ADAP2: variants seen among roughly 807,000 people sequenced by gnomAD.
The protein encoded by ADAP2 is ArfGAP with dual PH domains 2.
In ADAP2, 42 loss-of-function variants were observed where a neutral mutation model predicts 54.9. The ratio of observed to expected loss-of-function variants is 0.77; its 90% CI spans 0.60 to 0.99. The LOEUF (loss-of-function observed/expected upper bound fraction) is 0.99, where lower values mean the gene tolerates loss of function less well. Ranked by LOEUF, ADAP2 falls within the 50% of genes least tolerant of loss-of-function variation. The pLI is 0.00. For synonymous variants in ADAP2, 177 were observed against 180.1 expected, an observed-to-expected ratio of 0.98 and a Z score of 0.14; for missense variants, 429 against 480.4, an observed-to-expected ratio of 0.89 and a Z score of 1.00.
In ADAP2 at chr17:30,956,376, G is replaced by C. The variant is rs1905072231; in HGVS notation, c.1018G>C (p.Val340Leu). 2 of 1,614,188 alleles carry C rather than the reference G, an allele frequency of 1.2e-6. No individual in the cohort carries two copies. Among genetic ancestry groups the C allele is most frequent in the Non-Finnish European group, 1.7e-6 (2 of 1,180,028 alleles). ...CATTGTCACCCCAGAGCGGAGATTT[G>C]TCCTCACTTGCCCCAGTGAGAAGGA... ...LTIVTPERRF[V>L]LTCPSEKEQQ... The change falls in exon 10 of 11, where the codon GTC becomes CTC. Residue 340 changes from valine (V) to leucine (L), a missense_variant. Physicochemically the swap from Val to Leu is conservative, Grantham distance 32 (BLOSUM62 1). Coordinates refer to ENST00000330889, the MANE Select transcript of ADAP2 (RefSeq NM_018404.3).
In ADAP2 at chr17:30,926,816, T is replaced by G; in HGVS notation, c.226-11T>G. Reference sequence around the variant, plus strand: ...GTTCTAATATTACCTCAGGTTGCTGTTGTCTTGCAGTTTATGATCCACAAT... The same window carrying G: ...GTTCTAATATTACCTCAGGTTGCTGGTGTCTTGCAGTTTATGATCCACAAT... On this transcript the variant is annotated splice_polypyrimidine_tract_variant and intron_variant, in intron 2 of 10. Transcript: ENST00000330889. 1 of 1,613,536 alleles carries G rather than the reference T, an allele frequency of 6.2e-7. No homozygotes were observed. Among genetic ancestry groups the G allele is most frequent in the South Asian group, 1.1e-5 (1 of 91,064 alleles).
At chr17:30,957,682 C>T (rs773485799) in intron 10 of ADAP2, among the ~76,000 whole-genome samples, 153 bp from the exon 11 acceptor site, 13 of 152,118 alleles carry the variant, frequency 8.5e-5, no homozygotes, top group Non-Finnish European at 1.6e-4. Flanking sequence ...CCACCTGCCT[C>T]GGCCTCCCAA....
chr17:30,937,258 A>G (rs977954109), intron 5 of ADAP2, among the ~76,000 whole-genome samples: 5 of 147,218 alleles, frequency 3.4e-5, no homozygotes, highest in African/African-American at 7.6e-5. Flanking sequence ...ATTTCACTCT[A>G]TTGCTCAGGT....
chr17:30,952,522 C>T (rs13341180), intron 7 of ADAP2, among the ~76,000 whole-genome samples: 4,209 of 152,150 alleles, frequency 0.028, 198 homozygotes, highest in African/African-American at 0.094. Flanking sequence ...ATTACAAGCG[C>T]GTGCCACCAT....
chr17:30,954,729 T>C (rs1274706791), intron 9 of ADAP2, among the ~76,000 whole-genome samples, 174 bp downstream of exon 9: 1 of 152,178 alleles, frequency 6.6e-6, no homozygotes, highest in East Asian at 1.9e-4. Flanking sequence ...TAATCTCCTA[T>C]GGCATGAAGC....
At chr17:30,951,081 TC>T (rs1444250867) in intron 7 of ADAP2, among the ~76,000 whole-genome samples, 1 of 152,118 alleles carries the variant, frequency 6.6e-6, no homozygotes, top group East Asian at 1.9e-4. Flanking sequence ...GCTTTAGGGG[TC>T]CACATGTTGG....
At chr17:30,949,251 C>A in intron 6 of ADAP2, 36 bp from the exon 7 acceptor site, 2 of 1,577,336 alleles carry the variant, frequency 1.3e-6, no homozygotes, top group Non-Finnish European at 8.7e-7. Context: ...CCCCATCTCA[C>A]TGCTGTGTGT....
rs751104868 is a variant in ADAP2, at chr17:30,959,221, G to A, written c.*1352G>A. 4 of 152,168 alleles carry A rather than the reference G, an allele frequency of 2.6e-5. No homozygotes were observed. The highest frequency in any genetic ancestry group is 9.7e-5 in the African/African-American group (4 of 41,434). The allele number at this position is 152,168 out of a possible 1,614,324, so 9.4% of individuals were successfully genotyped here. Reference sequence around the variant, plus strand: ...AACTTATGGTCTAGAGGAGAAGAACGAGAAGTATAGATAGGCAGTAACAAA... The same window carrying A: ...AACTTATGGTCTAGAGGAGAAGAACAAGAAGTATAGATAGGCAGTAACAAA... On this transcript the variant is annotated 3_prime_UTR_variant, in exon 11 of 11. Transcript: ENST00000330889.
intron 5 of ADAP2, among the ~76,000 whole-genome samples, chr17:30,937,362 C>T (rs1911967379): frequency 6.6e-6 from 1 of 152,100 alleles, no homozygotes; most frequent in South Asian, 2.1e-4. Flanking sequence ...GCTGGGACTA[C>T]AGGCGTGCAC....
intron 5 of ADAP2, among the ~76,000 whole-genome samples, chr17:30,943,958 AG>A (rs1252155892): frequency 6.6e-6 from 1 of 152,144 alleles, no homozygotes; most frequent in African/African-American, 2.4e-5. Context: ...TGGGAGGCCG[AG>A]GCGGGCAGAT....
chr17:30,925,135 C>T (rs11868576), intron 2 of ADAP2, among the ~76,000 whole-genome samples: 20,294 of 150,184 alleles, frequency 0.14, 1,832 homozygotes, highest in Non-Finnish European at 0.19. Context: ...CCACCCGCCT[C>T]GGCCTCCCAA....
intron 1 of ADAP2, 126 bp from the exon 2 acceptor site, chr17:30,922,814 A>AGGCT (rs1371695660): frequency 1.2e-5 from 14 of 1,123,668 alleles, no homozygotes; most frequent in Admixed American, 4.5e-5. Flanking sequence ...AGAAGGTGCC[A>AGGCT]GGCTGGCCGC....
intron 7 of ADAP2, 29 bp from the exon 8 acceptor site, chr17:30,953,259 G>A: frequency 6.2e-7 from 1 of 1,613,024 alleles, no homozygotes; most frequent in Non-Finnish European, 8.5e-7. Context: ...GGTGTGAGTT[G>A]GGGGTCAGTG....
At position 30,949,475 on chromosome 17, in the gene ADAP2, G is replaced by A. The variant is rs1598052236; in HGVS notation, c.741+105G>A. 26 of 1,080,682 alleles carry A rather than the reference G, an allele frequency of 2.4e-5. 1 individual carries two copies. The highest frequency in any genetic ancestry group is 4.1e-5 in the South Asian group (3 of 73,806). 66.9% of individuals were successfully genotyped at this position (1,080,682 alleles called of 1,614,324 possible). On this transcript the variant is annotated intron_variant, in intron 7 of 10. Transcript: ENST00000330889. ...CTCAGAAGCCAGACTAGGGCTGGGCGCGGTGGCTCACGCCTGTAATCCCAG... is the reference window on the plus strand; with the variant it reads ...CTCAGAAGCCAGACTAGGGCTGGGCACGGTGGCTCACGCCTGTAATCCCAG...
intron 5 of ADAP2, among the ~76,000 whole-genome samples, chr17:30,941,896 G>C (rs1251620318): frequency 6.6e-6 from 1 of 151,828 alleles, no homozygotes; most frequent in African/African-American, 2.4e-5. Flanking sequence ...ATATACATTT[G>C]TCAAAAATCA....
rs1010235033 is a variant in ADAP2 at position 30,947,962 on chromosome 17, A to G, written c.658-1325A>G. On this transcript the variant is annotated intron_variant, in intron 6 of 10. Transcript: ENST00000330889. ...GATCACAGCAGTAAATGGGGCTGCA[A>G]CTGGGGTTGGGTGAAGATAGGCGGG... is the stretch of plus-strand genomic sequence containing the variant. 2.0e-5 allele frequency among the ~76,000 whole-genome samples: 3 copies of G among 152,282 alleles called. No individual in the cohort carries two copies. In the East Asian group the frequency reaches 5.8e-4, roughly 29 times the overall value.
chr17:30,945,042 G>C lies in ADAP2; in HGVS notation c.646G>C (p.Glu216Gln). 1.2e-6 allele frequency: 2 copies of C among 1,613,880 alleles called. No individual in the cohort carries two copies. Among genetic ancestry groups the C allele is most frequent in the South Asian group, 2.2e-5 (2 of 91,012 alleles). Residue 216 changes from glutamate (E) to glutamine (Q), a missense_variant, in exon 6 of 11, where the codon GAA (glutamate) becomes CAA (glutamine). Coordinates refer to ENST00000330889, the MANE Select transcript of ADAP2 (RefSeq NM_018404.3). ...GHTRNLFVYHESGKEIVDWFN... is the reference protein window; with the variant it reads ...GHTRNLFVYHQSGKEIVDWFN... ...CACCAGGAACCTGTTTGTGTATCATGAAAGTGGGAAGGTGAGATGCCTGGA... is the reference window on the plus strand; with the variant it reads ...CACCAGGAACCTGTTTGTGTATCATCAAAGTGGGAAGGTGAGATGCCTGGA...
At chr17:30,929,990 T>A (rs1014062478) in intron 3 of ADAP2, among the ~76,000 whole-genome samples, 1 of 152,110 alleles carries the variant, frequency 6.6e-6, no homozygotes, top group African/African-American at 2.4e-5. Flanking sequence ...GTGCTGGGAT[T>A]ACAGGCATGA....
At chr17:30,954,578 C>T (rs757062249) in intron 9 of ADAP2, 23 bp downstream of exon 9, 3 of 1,600,278 alleles carry the variant, frequency 1.9e-6, no homozygotes, top group South Asian at 1.1e-5. Context: ...CCTGCTCCCT[C>T]CCCAGGGCTT....
Sources: allele counts gnomAD v4.1 joint callset (sites outside exome capture counted in the v4.1 genomes callset), GRCh38; gene constraint gnomAD v4.1.1; transcripts MANE v1.5; gene names NCBI Gene and HGNC (gene_info 2026-07-23, HGNC 2026-07-21).